The following PHACTR1 variants were observed in gnomAD, a reference collection of about 807,000 sequenced individuals.
PHACTR1 encodes phosphatase and actin regulator 1, also known as RPEL repeat containing 1.
A neutral mutation model predicts 69.2 loss-of-function variants in PHACTR1; 16 were observed. That is an observed-to-expected ratio of 0.23 (90% CI 0.16 to 0.35). The LOEUF (loss-of-function observed/expected upper bound fraction) is 0.35. Ranked by LOEUF, PHACTR1 falls within the 10% of genes least tolerant of loss-of-function variation. PHACTR1 has a pLI of 1.00. For missense variants in PHACTR1, 510 were observed against 734.7 expected (o/e 0.69, Z 3.54); for synonymous variants, 312 against 284.5 (o/e 1.10, Z -0.97).
chr6:12,957,569 G>T (rs540361392), intron 4 of PHACTR1: 2 of 985,608 alleles, frequency 2.0e-6, no homozygotes, highest in South Asian at 4.7e-5. Flanking sequence ...GTGCCCCACC[G>T]GCTGGAGGCT....
chr6:12,940,639 CA>C (rs1237471606), intron 4 of PHACTR1, among the ~76,000 whole-genome samples: 1 of 152,206 alleles, frequency 6.6e-6, no homozygotes, highest in African/African-American at 2.4e-5. Context: ...CTCTGTGTGT[CA>C]TGTCCTACAT....
intron 4 of PHACTR1, among the ~76,000 whole-genome samples, chr6:12,916,540 GTTTTT>G (rs10586172): frequency 7.5e-6 from 1 of 133,488 alleles, no homozygotes; most frequent in Non-Finnish European, 1.6e-5. Flanking sequence ...GGCATGGACT[GTTTTT>G]TTTTTTTTTT....
chr6:12,994,280 G>T (rs998082067), intron 4 of PHACTR1, among the ~76,000 whole-genome samples: 3 of 152,206 alleles, frequency 2.0e-5, no homozygotes, highest in Admixed American at 6.5e-5. Context: ...AAAGGGGATA[G>T]TGTAAAGCAA....
rs1343137271 is a variant in PHACTR1, at chr6:12,970,192, T to C, written c.251-83173T>C. 2.0e-5 allele frequency among the ~76,000 whole-genome samples: 3 copies of C among 152,162 alleles called. No individual in the cohort carries two copies. The East Asian group carries it at 5.8e-4, about 29-fold the overall frequency. On this transcript the variant is annotated intron_variant, in intron 4 of 14. Coordinates refer to ENST00000332995, the MANE Select transcript of PHACTR1 (RefSeq NM_030948.6). ...AATTAAATACTGTGGACTTAAACAT[T>C]AGAGAATGCCTGCCAAAGACAATTA...
At chr6:12,868,466 A>C (rs1469416119) in intron 4 of PHACTR1, among the ~76,000 whole-genome samples, 3 of 152,142 alleles carry the variant, frequency 2.0e-5, no homozygotes, top group Non-Finnish European at 2.9e-5. Flanking sequence ...AGGGGAGAGG[A>C]CACGTGAAGC....
intron 4 of PHACTR1, among the ~76,000 whole-genome samples, chr6:12,991,597 GA>G (rs1328209449): frequency 2.6e-5 from 4 of 151,940 alleles, no homozygotes; most frequent in Non-Finnish European, 5.9e-5. Flanking sequence ...TTCTTCTTAA[GA>G]AAAAAATAAC....
At chr6:13,061,215 C>T (rs186427402) in intron 5 of PHACTR1, among the ~76,000 whole-genome samples, 9 of 152,234 alleles carry the variant, frequency 5.9e-5, no homozygotes, top group Admixed American at 1.3e-4. Flanking sequence ...CCTATATATC[C>T]AGGATAATCT....
chr6:13,084,072 C>T (rs1192094119), intron 5 of PHACTR1, among the ~76,000 whole-genome samples: 4 of 151,940 alleles, frequency 2.6e-5, no homozygotes, highest in Non-Finnish European at 4.4e-5. Flanking sequence ...GACACATGCA[C>T]GTGTATGTTT....
At chr6:13,007,489 AT>A (rs1437004337) in intron 4 of PHACTR1, among the ~76,000 whole-genome samples, 27 of 152,010 alleles carry the variant, frequency 1.8e-4, no homozygotes, top group Admixed American at 6.6e-5. Context: ...CTAATCCTAA[AT>A]TTTTTTTAAC....
intron 5 of PHACTR1, among the ~76,000 whole-genome samples, chr6:13,101,640 T>C (rs138760910): frequency 1.6e-4 from 24 of 152,314 alleles, no homozygotes; most frequent in African/African-American, 4.3e-4. Context: ...ACGTGGTGGA[T>C]ATGGTACTCA....
In PHACTR1 at chr6:12,900,611, T is replaced by G. The variant is rs752498168; in HGVS notation, c.250+150821T>G. Among the ~76,000 whole-genome samples, 85 of 152,264 alleles carry G rather than the reference T, an allele frequency of 5.6e-4. 1 individual carries two copies. The highest frequency in any genetic ancestry group is 2.9e-4 in the Non-Finnish European group (20 of 68,018). On this transcript the variant is annotated intron_variant, in intron 4 of 14. Coordinates refer to ENST00000332995, the MANE Select transcript of PHACTR1 (RefSeq NM_030948.6). ...TACTTGGGCGGCTGAGTGGGGAGGATTACCTGAGCCCAGGAGGTAGAGGCT... is the reference window on the plus strand; with the variant it reads ...TACTTGGGCGGCTGAGTGGGGAGGAGTACCTGAGCCCAGGAGGTAGAGGCT...
intron 9 of PHACTR1, among the ~76,000 whole-genome samples, chr6:13,228,753 A>G (rs1205163513): frequency 1.3e-5 from 2 of 152,194 alleles, no homozygotes; most frequent in Non-Finnish European, 2.9e-5. Context: ...CATGGACACT[A>G]TTGCCTCATT....
intron 4 of PHACTR1, among the ~76,000 whole-genome samples, chr6:12,921,494 A>AGGAT (rs1197736990): frequency 0.011 from 1,499 of 132,454 alleles, 35 homozygotes; most frequent in African/African-American, 0.039. Context: ...GAGGGAAGGA[A>AGGAT]GGAAGGAAAG....
chr6:12,906,914 G>A (rs1202061019), intron 4 of PHACTR1, among the ~76,000 whole-genome samples: 1 of 152,148 alleles, frequency 6.6e-6, no homozygotes, highest in African/African-American at 2.4e-5. Context: ...ACACTTGAAG[G>A]ATGGACCCAT....
Position 13,182,640 on chromosome 6 carries a change from C to T in PHACTR1, c.618C>T (p.Pro206=). The T allele has an allele frequency of 6.2e-7, 1 of 1,604,980 alleles. No homozygotes were observed. Among genetic ancestry groups the T allele is most frequent in the Non-Finnish European group, 8.5e-7 (1 of 1,175,862 alleles). The change falls in exon 7 of 15, where the codon CCC becomes CCT. Residue 206 remains proline, a synonymous_variant. Coordinates refer to ENST00000332995, the MANE Select transcript of PHACTR1 (RefSeq NM_030948.6). The part of the protein sequence containing the change: ...EMEPVPMPRD[P]CSYEVLQPSD... Reference sequence around the variant, plus strand: ...AGCCAGTCCCAATGCCCAGGGATCCCTGCTCATATGAGGTGCTCCAACCGT... The same window carrying T: ...AGCCAGTCCCAATGCCCAGGGATCCTTGCTCATATGAGGTGCTCCAACCGT...
intron 4 of PHACTR1, among the ~76,000 whole-genome samples, chr6:12,840,663 T>C (rs922243138): frequency 2.0e-5 from 3 of 152,198 alleles, no homozygotes; most frequent in Non-Finnish European, 2.9e-5. Flanking sequence ...AAATGGGTAA[T>C]TTAGACATAG....
chr6:12,723,662 T>C (rs533465849), intron 3 of PHACTR1, among the ~76,000 whole-genome samples: 1 of 152,086 alleles, frequency 6.6e-6, no homozygotes, highest in Admixed American at 6.6e-5. Flanking sequence ...GCTAATTTCT[T>C]AAGTTTTACA....
rs138615672 is a variant in PHACTR1, at chr6:12,878,599, C to T, written c.250+128809C>T. 5.9e-5 allele frequency among the ~76,000 whole-genome samples: 9 copies of T among 152,320 alleles called. No individual in the cohort carries two copies. In the East Asian group the frequency reaches 1.5e-3, roughly 26 times the overall value. On this transcript the variant is annotated intron_variant, in intron 4 of 14. Coordinates refer to ENST00000332995, the MANE Select transcript of PHACTR1 (RefSeq NM_030948.6). ...CAGATACTTTGGAAGAAACATAAAG[C>T]TCTCTATTACCAAGAGCTGAGTGGT...
At chr6:12,860,551 A>C (rs1395133921) in intron 4 of PHACTR1, among the ~76,000 whole-genome samples, 2 of 152,200 alleles carry the variant, frequency 1.3e-5, no homozygotes, top group Non-Finnish European at 2.9e-5. Context: ...TTCTGGTGCT[A>C]GATCCTTGAA....
Sources: gnomAD v4.1 joint callset for allele counts (sites outside exome capture counted in the v4.1 genomes callset) on GRCh38, gnomAD v4.1.1 for gene constraint, MANE v1.5 for transcripts, NCBI Gene and HGNC (gene_info 2026-07-23, HGNC 2026-07-21) for gene names.